NRCAM: variants seen among roughly 807,000 people sequenced by gnomAD.
NRCAM encodes the protein NgCAM-related cell adhesion molecule.
NRCAM carries 83 observed loss-of-function variants against 156.5 expected under a neutral mutation model. The ratio of observed to expected loss-of-function variants is 0.53; its 90% confidence interval spans 0.44 to 0.64. The LOEUF (loss-of-function observed/expected upper bound fraction) is 0.64, where lower values mean the gene tolerates loss of function less well. Among genes scored for constraint, NRCAM ranks in the 30% least tolerant of loss-of-function variants. The pLI is 0.00. For missense variants in NRCAM, 1,417 were observed against 1,597.3 expected, an observed-to-expected ratio of 0.89 and a Z score of 1.92; for synonymous variants, 538 against 563.9, an observed-to-expected ratio of 0.95 and a Z score of 0.65.
At chr7:108,399,971 C>A (rs1397321686) in intron 1 of NRCAM, among the ~76,000 whole-genome samples, 1 of 152,156 alleles carries the variant, frequency 6.6e-6, no homozygotes, top group African/African-American at 2.4e-5. Flanking sequence ...ATCACATCAA[C>A]AACAGGCCGT....
Position 108,359,010 on chromosome 7 carries a change from T to C in NRCAM, c.-174+40426A>G, listed in dbSNP as rs547039475. On this transcript the variant is annotated intron_variant, in intron 2 of 32. Coordinates refer to ENST00000379028, the MANE Select transcript of NRCAM (RefSeq NM_001037132.4). ...ACCTGGCTGACAACCACCAGAGTTATACTCACCTCCTACCATATTTTGTCT... is the reference window on the plus strand; with the variant it reads ...ACCTGGCTGACAACCACCAGAGTTACACTCACCTCCTACCATATTTTGTCT... Among the ~76,000 whole-genome samples, 4 of 152,356 alleles carry C rather than the reference T, an allele frequency of 2.6e-5. No homozygotes were observed. The South Asian group carries it at 8.3e-4, about 32-fold the overall frequency.
chr7:108,292,650 TACTA>T (rs1352491006), intron 3 of NRCAM, among the ~76,000 whole-genome samples: 2 of 152,168 alleles, frequency 1.3e-5, no homozygotes, highest in Admixed American at 6.5e-5. Context: ...GCTCCTCACT[TACTA>T]ACTGACCTTA....
intron 10 of NRCAM, among the ~76,000 whole-genome samples, chr7:108,225,148 T>C (rs17155205): frequency 0.035 from 5,320 of 152,272 alleles, 293 homozygotes; most frequent in African/African-American, 0.12. Flanking sequence ...GACTTACTTT[T>C]AAACAAAACT....
intron 3 of NRCAM, among the ~76,000 whole-genome samples, chr7:108,247,533 A>C: frequency 6.9e-6 from 1 of 144,210 alleles, no homozygotes; most frequent in African/African-American, 2.7e-5. Context: ...AATAAATAGA[A>C]GGTGGTTAAC....
chr7:108,412,419 T>A (rs1261745905), intron 1 of NRCAM, among the ~76,000 whole-genome samples: 1 of 152,224 alleles, frequency 6.6e-6, no homozygotes, highest in Non-Finnish European at 1.5e-5. Context: ...GTATTTTTAA[T>A]GTTTTATTTT....
intron 11 of NRCAM, among the ~76,000 whole-genome samples, chr7:108,216,478 G>C (rs907711859): frequency 3.9e-5 from 6 of 152,190 alleles, no homozygotes; most frequent in African/African-American, 1.4e-4. Context: ...GGTTGGGGAA[G>C]TTCTCCTGGA....
chr7:108,386,158 C>A (rs2099740373), intron 2 of NRCAM, among the ~76,000 whole-genome samples: 1 of 152,152 alleles, frequency 6.6e-6, no homozygotes, highest in Admixed American at 6.5e-5. Flanking sequence ...GATAGATCAT[C>A]TGATGGCTCC....
intron 3 of NRCAM, among the ~76,000 whole-genome samples, chr7:108,298,683 A>C (rs1451594511): frequency 6.6e-6 from 1 of 151,594 alleles, no homozygotes; most frequent in Non-Finnish European, 1.5e-5. Context: ...AAAAACAAAA[A>C]ACACACCAAA....
chr7:108,168,446 C>A lies in NRCAM; in HGVS notation c.3188-44G>T, dbSNP rs765598841. ...AATAAAACAAACAATCATATTGCAA[C>A]ACCATACACACGAATATAAAATAAG... On this transcript the variant is annotated intron_variant, in intron 28 of 32. Coordinates refer to ENST00000379028, the MANE Select transcript of NRCAM (RefSeq NM_001037132.4). 3 of 1,498,676 alleles carry A rather than the reference C, an allele frequency of 2.0e-6. No individual in the cohort carries two copies. In the South Asian group the frequency reaches 4.2e-5, roughly 21 times the overall value. The allele number at this position is 1,498,676 out of a possible 1,614,324, so 92.8% of individuals were successfully genotyped here.
intron 8 of NRCAM, among the ~76,000 whole-genome samples, chr7:108,230,813 C>T (rs1211516218): frequency 1.3e-5 from 2 of 152,214 alleles, no homozygotes; most frequent in African/African-American, 4.8e-5. Context: ...TTCCCCACTC[C>T]TATCTCCTCC....
At chr7:108,304,930 T>A (rs2098692729) in intron 3 of NRCAM, among the ~76,000 whole-genome samples, 1 of 152,214 alleles carries the variant, frequency 6.6e-6, no homozygotes, top group African/African-American at 2.4e-5. Context: ...AATGTAGGTA[T>A]TTGAAATCTA....
At chr7:108,283,363 T>G (rs1267369146) in intron 3 of NRCAM, among the ~76,000 whole-genome samples, 1 of 152,238 alleles carries the variant, frequency 6.6e-6, no homozygotes, top group Admixed American at 6.5e-5. Context: ...GAAAGTGATT[T>G]GTGTCACAGA....
chr7:108,177,063 A>T (rs1327728465), intron 26 of NRCAM, among the ~76,000 whole-genome samples: 1 of 152,068 alleles, frequency 6.6e-6, no homozygotes, highest in Non-Finnish European at 1.5e-5. Context: ...TCTACAGATT[A>T]CTTAATTTTT....
chr7:108,453,417 T>A (rs1852775651), intron 1 of NRCAM, among the ~76,000 whole-genome samples: 1 of 152,224 alleles, frequency 6.6e-6, no homozygotes, highest in Non-Finnish European at 1.5e-5. Flanking sequence ...CATTGTTGTA[T>A]TGGCCTCACA....
rs532961077 is a variant in NRCAM, at chr7:108,437,336, T to C, written c.-332+18907A>G. Among the ~76,000 whole-genome samples the C allele has an allele frequency of 2.6e-5, 4 of 152,056 alleles. No homozygotes were observed. The East Asian group carries it at 7.7e-4, about 29-fold the overall frequency. ...AGATGGTTAATGGGTACAAAACAAA[T>C]AGAAAGAATGAATAAGACCTATTAT... is the stretch of plus-strand genomic sequence containing the variant. On this transcript the variant is annotated intron_variant, in intron 1 of 32. Coordinates refer to ENST00000379028, the MANE Select transcript of NRCAM (RefSeq NM_001037132.4).
intron 3 of NRCAM, among the ~76,000 whole-genome samples, chr7:108,267,361 T>G (rs377691859): frequency 2.0e-5 from 3 of 152,264 alleles, no homozygotes; most frequent in East Asian, 1.9e-4. Flanking sequence ...AAAGGCATAC[T>G]GTGGCTTTAT....
rs1475672483 is a variant in NRCAM at position 108,160,496 on chromosome 7, G to A, written c.3467-4C>T. ...TCCACCTGCCGGCTTGCCATCGCTG[G>A]AAAACAAATCAATGGTGTTGGTGGC... On this transcript the variant is annotated splice_polypyrimidine_tract_variant and splice_region_variant and intron_variant, in intron 30 of 32. Transcript: ENST00000379028. 1.2e-6 allele frequency: 2 copies of A among 1,612,842 alleles called. No homozygotes were observed. The highest frequency in any genetic ancestry group is 1.7e-5 in the Admixed American group (1 of 59,870).
intron 11 of NRCAM, among the ~76,000 whole-genome samples, chr7:108,214,371 A>C (rs144004336): frequency 0.041 from 6,288 of 152,208 alleles, 401 homozygotes; most frequent in African/African-American, 0.14. Context: ...TAGATTTTCT[A>C]GTTTATTTGC....
At chr7:108,261,682 C>T (rs902895067) in intron 3 of NRCAM, among the ~76,000 whole-genome samples, 1 of 152,228 alleles carries the variant, frequency 6.6e-6, no homozygotes. Context: ...TCAGCCACAG[C>T]TGTAGACACC....
Sources: allele counts gnomAD v4.1 joint callset (sites outside exome capture counted in the v4.1 genomes callset), GRCh38; gene constraint gnomAD v4.1.1; transcripts MANE v1.5; gene names NCBI Gene and HGNC (gene_info 2026-07-23, HGNC 2026-07-21).